The following EXO1 variants were observed in gnomAD, a reference collection of about 807,000 sequenced individuals.
The protein encoded by EXO1 is exonuclease 1.
EXO1 carries 69 observed loss-of-function variants against 84.5 expected under a neutral mutation model. The ratio of observed to expected loss-of-function variants is 0.82; its 90% confidence interval spans 0.67 to 1.00. EXO1 has a LOEUF of 1.00. Ranked by LOEUF, EXO1 falls within the 50% of genes least tolerant of loss-of-function variation. The probability of loss-of-function intolerance (pLI) is 0.00; values close to 1 mark genes in which losing one functional copy is unlikely to be tolerated. For missense variants in EXO1, 1,045 were observed against 1,000.7 expected (o/e 1.04, Z -0.60); for synonymous variants, 373 against 366.1 (o/e 1.02, Z -0.21).
intron 13 of EXO1, 29 bp downstream of exon 13, chr1:241,879,372 C>T (rs1303383207): frequency 7.3e-7 from 1 of 1,376,402 alleles, no homozygotes; most frequent in Non-Finnish European, 1.0e-6. Context: ...GCTTTGTTTT[C>T]AAATTTATAT....
At chr1:241,870,171 A>G in intron 11 of EXO1, among the ~76,000 whole-genome samples, 1 of 152,136 alleles carries the variant, frequency 6.6e-6, no homozygotes. Context: ...TTATGTAGCT[A>G]GCTCACTGTC....
intron 11 of EXO1, among the ~76,000 whole-genome samples, chr1:241,871,202 T>C (rs1358990290): frequency 1.3e-5 from 2 of 152,238 alleles, no homozygotes; most frequent in Admixed American, 1.3e-4. Flanking sequence ...GATTTAACTT[T>C]TGCTGGGGAT....
intron 6 of EXO1, among the ~76,000 whole-genome samples, chr1:241,854,389 G>A (rs548783412): frequency 1.1e-3 from 171 of 152,220 alleles, no homozygotes; most frequent in Non-Finnish European, 1.9e-3. Flanking sequence ...TGCCCACCTT[G>A]GCCTCCCAAA....
In EXO1 at chr1:241,879,300, C is replaced by T. The variant is rs375847087; in HGVS notation, c.2066C>T (p.Ala689Val). The change falls in exon 13 of 16, where the codon GCA becomes GTA. Residue 689 changes from alanine (A) to valine (V), a missense_variant. Transcript: ENST00000366548. ...SGEFSLQSSNASKLSQCSSKD... is the reference protein window; with the variant it reads ...SGEFSLQSSNVSKLSQCSSKD... ...GAATTCTCACTGCAGAGTTCAAATGCATCAAAGCTTTCTCAGTGCTCTAGT... is the reference window on the plus strand; with the variant it reads ...GAATTCTCACTGCAGAGTTCAAATGTATCAAAGCTTTCTCAGTGCTCTAGT... 5.0e-6 allele frequency: 8 copies of T among 1,605,406 alleles called. No individual in the cohort carries two copies. The highest frequency in any genetic ancestry group is 6.8e-6 in the Non-Finnish European group (8 of 1,177,318).
rs1336541153 is a variant in EXO1, at chr1:241,867,058, AC to A, written c.1267+4del. 6.2e-7 allele frequency: 1 copy of A among 1,607,962 alleles called. No homozygotes were observed. The highest frequency in any genetic ancestry group is 1.7e-5 in the Admixed American group (1 of 59,992). On this transcript the variant is annotated splice_donor_region_variant and intron_variant, in intron 11 of 15. Transcript: ENST00000366548. ...CATTGTGAAAAGACCAAGAAGTGGT[AC>A]GTATTTCAGTTTTGCAAAATGCTGG...
At position 241,850,331 on chromosome 1, in the gene EXO1, T is replaced by C. The variant is rs535598078; in HGVS notation, c.-17-78T>C. 166 of 1,025,892 alleles carry C rather than the reference T, an allele frequency of 1.6e-4. 1 individual carries two copies. The Admixed American group carries it at 3.0e-3, about 19-fold the overall frequency. 63.5% of individuals were successfully genotyped at this position (1,025,892 alleles called of 1,614,324 possible). On this transcript the variant is annotated intron_variant, in intron 3 of 15. Coordinates refer to ENST00000366548, the MANE Select transcript of EXO1 (RefSeq NM_130398.4). ...TTTCTGCATTGGACTCCAAGCTTTC[T>C]CTTCATTTGTCTAAGATGTTTTAAT... is the stretch of plus-strand genomic sequence containing the variant.
rs1256741963 is a variant in EXO1 at position 241,848,510 on chromosome 1, T to C, written c.-420+157T>C. On this transcript the variant is annotated intron_variant, in intron 1 of 15. Transcript: ENST00000366548. The surrounding 1 kb of genome is among the most constrained non-coding windows in gnomAD (Gnocchi z 4.2). ...CAACCCAACAGCGGAGCCCTTAGCC[T>C]GAGTGGAGTATGTGTTTTGTTCCGA... Among the ~76,000 whole-genome samples the C allele has an allele frequency of 2.0e-5, 3 of 152,054 alleles. No homozygotes were observed. The highest frequency in any genetic ancestry group is 6.5e-5 in the Admixed American group (1 of 15,270).
At chr1:241,861,878 C>G (rs1317643231) in intron 10 of EXO1, among the ~76,000 whole-genome samples, 2 of 152,150 alleles carry the variant, frequency 1.3e-5, no homozygotes, top group Non-Finnish European at 2.9e-5. Flanking sequence ...TTCACTCATG[C>G]ACAATTTAAC....
Position 241,858,705 on chromosome 1 carries a change from C to A in EXO1, c.743C>A (p.Pro248Gln). 6.2e-7 allele frequency: 1 copy of A among 1,609,546 alleles called. No individual in the cohort carries two copies. The highest frequency in any genetic ancestry group is 8.5e-7 in the Non-Finnish European group (1 of 1,175,888). ...AAAGTCCTAAGACTAGCCAATAATC[C>A]AGATATAGTAAAGGTAAGAGTGATT... The part of the protein sequence containing the change: ...ACKVLRLANN[P>Q]DIVKVIKKIG... The change falls in exon 8 of 16, where the codon CCA becomes CAA. Residue 248 changes from proline to glutamine, a missense_variant. Physicochemically the swap from Pro to Gln is moderately conservative, Grantham distance 76. Transcript: ENST00000366548.
chr1:241,857,118 C>T (rs1227806140), intron 6 of EXO1, among the ~76,000 whole-genome samples: 1 of 152,126 alleles, frequency 6.6e-6, no homozygotes, highest in Non-Finnish European at 1.5e-5. Flanking sequence ...TATTTCTTTT[C>T]TCCAAATTTT....
At chr1:241,863,597 A>G (rs2148442625) in intron 10 of EXO1, among the ~76,000 whole-genome samples, 1 of 152,174 alleles carries the variant, frequency 6.6e-6, no homozygotes, top group East Asian at 1.9e-4. Flanking sequence ...TTCAGCATGG[A>G]AAAGTAACCA....
At chr1:241,862,182 C>T (rs1661434699) in intron 10 of EXO1, among the ~76,000 whole-genome samples, 1 of 152,212 alleles carries the variant, frequency 6.6e-6, no homozygotes, top group Admixed American at 6.5e-5. Flanking sequence ...GGGTGATCTG[C>T]CCACCTCGGC....
chr1:241,850,038 T>C (rs1259947909), intron 3 of EXO1, among the ~76,000 whole-genome samples: 2 of 152,170 alleles, frequency 1.3e-5, no homozygotes, highest in African/African-American at 4.8e-5. Flanking sequence ...TCCCAGCACT[T>C]TGGGAGGCCG....
intron 11 of EXO1, among the ~76,000 whole-genome samples, chr1:241,870,367 T>A (rs1453100197): frequency 6.6e-6 from 1 of 152,246 alleles, no homozygotes; most frequent in Non-Finnish European, 1.5e-5. Flanking sequence ...GTGACACTCC[T>A]AAATTTCTCT....
chr1:241,861,181 G>C lies in EXO1; in HGVS notation c.945-225G>C, dbSNP rs149769388. On this transcript the variant is annotated intron_variant, in intron 9 of 15. Coordinates refer to ENST00000366548, the MANE Select transcript of EXO1 (RefSeq NM_130398.4). ...TGTTTCCCTTAAAGGCAGGGAGTCA[G>C]TGATGGCCTGGGCCCTCGTCAGAAG... 6.6e-4 allele frequency among the ~76,000 whole-genome samples: 101 copies of C among 152,354 alleles called. 3 individuals are homozygous for C. The East Asian group carries it at 0.019, about 29-fold the overall frequency.
intron 6 of EXO1, 31 bp downstream of exon 6, chr1:241,853,512 C>A (rs748843701): frequency 6.2e-7 from 1 of 1,612,886 alleles, no homozygotes; most frequent in Non-Finnish European, 8.5e-7. Flanking sequence ...GGCAAGTTCA[C>A]CAAAGCTAGT....
Position 241,888,117 on chromosome 1 carries a change from G to A in EXO1, c.2406-1348G>A, listed in dbSNP as rs928536823. Among the ~76,000 whole-genome samples the A allele has an allele frequency of 6.6e-5, 10 of 152,266 alleles. 1 individual carries two copies. Among genetic ancestry groups the A allele is most frequent in the African/African-American group, 2.2e-4 (9 of 41,532 alleles). On this transcript the variant is annotated intron_variant, in intron 15 of 15. Transcript: ENST00000366548. ...TAGCTGAGCGTGGTGGCATGTGGCC[G>A]TAGTCCCAGCTTCTCAGGAGGCTGA...
chr1:241,864,017 T>A (rs1404503957), intron 10 of EXO1, among the ~76,000 whole-genome samples: 2 of 152,204 alleles, frequency 1.3e-5, no homozygotes, highest in Non-Finnish European at 2.9e-5. Flanking sequence ...AATATGATAA[T>A]TTTTTGAACG....
intron 10 of EXO1, among the ~76,000 whole-genome samples, chr1:241,865,693 C>G (rs755228993): frequency 3.3e-5 from 5 of 152,226 alleles, no homozygotes; most frequent in Non-Finnish European, 7.4e-5. Flanking sequence ...TCTATAGGAA[C>G]CATAATTGTA....
Sources: gnomAD v4.1 joint callset for allele counts (sites outside exome capture counted in the v4.1 genomes callset) on GRCh38, gnomAD v4.1.1 for gene constraint, Gnocchi (gnomAD v3.1) non-coding constraint, MANE v1.5 for transcripts, NCBI Gene and HGNC (gene_info 2026-07-23, HGNC 2026-07-21) for gene names.